Variants in PSMA2 observed in about 807,000 individuals in gnomAD.
The protein encoded by PSMA2 is proteasome 20S subunit alpha 2.
In PSMA2, 2 loss-of-function variants were observed where a neutral mutation model predicts 35.9. That is an observed-to-expected ratio of 0.06 (90% CI 0.02 to 0.18). The LOEUF (loss-of-function observed/expected upper bound fraction) is 0.18, where lower values mean the gene tolerates loss of function less well. Among genes scored for constraint, PSMA2 ranks in the 10% least tolerant of loss-of-function variants. The probability of loss-of-function intolerance (pLI) is 1.00; values close to 1 mark genes in which losing one functional copy is unlikely to be tolerated. For missense variants in PSMA2, 126 were observed against 278.8 expected (o/e 0.45, Z 3.90); for synonymous variants, 97 against 98.2 (o/e 0.99, Z 0.07).
rs777688862 is a variant in PSMA2, at chr7:42,926,687, G to A, written c.119-19C>T. 3.2e-6 allele frequency: 5 copies of A among 1,581,688 alleles called. No homozygotes were observed. The highest frequency in any genetic ancestry group is 4.3e-6 in the Non-Finnish European group (5 of 1,169,230). ...TTTGCAGCTTAAAAAAAAAGAGAGAGACATAAATGTTTAATCATTTTTAAG... is the reference window on the plus strand; with the variant it reads ...TTTGCAGCTTAAAAAAAAAGAGAGAAACATAAATGTTTAATCATTTTTAAG... On this transcript the variant is annotated intron_variant, in intron 2 of 7. Coordinates refer to ENST00000223321, the MANE Select transcript of PSMA2 (RefSeq NM_002787.5).
chr7:42,930,706 T>G (rs1786289755), intron 1 of PSMA2, among the ~76,000 whole-genome samples: 3 of 146,730 alleles, frequency 2.0e-5, no homozygotes, highest in Admixed American at 2.0e-4. Flanking sequence ...CCTCATGCCT[T>G]AAAAAAAAAA....
At chr7:42,930,220 CACA>C (rs1240996711) in intron 1 of PSMA2, among the ~76,000 whole-genome samples, 1 of 2,844 alleles carries the variant, frequency 3.5e-4, no homozygotes, top group Non-Finnish European at 1.3e-3. Context: ...CACACACACA[CACA>C]CGCACACACA....
intron 1 of PSMA2, chr7:42,931,174 T>C (rs1019736630): frequency 1.1e-4 from 48 of 453,996 alleles, no homozygotes; most frequent in African/African-American, 8.6e-4. Context: ...ACATTCATTA[T>C]AGCAGTGGAA....
chr7:42,924,798 C>A lies in PSMA2; in HGVS notation c.252-1G>T. The stretch of plus-strand genomic sequence containing the variant: ...TTTTCGAGCTCTGTGCACAAGCACT[C>A]TAACAAGGAAAAAATAAGATTTAAT... On this transcript the variant is annotated splice_acceptor_variant, in intron 3 of 7. Coordinates refer to ENST00000223321, the MANE Select transcript of PSMA2 (RefSeq NM_002787.5). LOFTEE classifies it high-confidence loss of function. 6.2e-7 allele frequency: 1 copy of A among 1,604,792 alleles called. No individual in the cohort carries two copies. Among genetic ancestry groups the A allele is most frequent in the Non-Finnish European group, 8.5e-7 (1 of 1,175,838 alleles).
At chr7:42,922,409 C>T (rs1786140388) in intron 5 of PSMA2, among the ~76,000 whole-genome samples, 1 of 151,988 alleles carries the variant, frequency 6.6e-6, no homozygotes, top group South Asian at 2.1e-4. Context: ...GAGAGCATCT[C>T]ATTAGAAAAA....
intron 1 of PSMA2, among the ~76,000 whole-genome samples, chr7:42,930,059 G>A (rs1368275395): frequency 6.6e-6 from 1 of 152,102 alleles, no homozygotes; most frequent in Admixed American, 6.6e-5. Context: ...CTCATTTATT[G>A]TCAATTCCTC....
chr7:42,930,225 GCA>G (rs60660330), intron 1 of PSMA2, among the ~76,000 whole-genome samples: 17,837 of 150,282 alleles, frequency 0.12, 1,139 homozygotes, highest in Admixed American at 0.16. Context: ...ACACACACAC[GCA>G]CACACACACA....
At chr7:42,929,554 C>T (rs2128674949) in intron 1 of PSMA2, among the ~76,000 whole-genome samples, 1 of 152,300 alleles carries the variant, frequency 6.6e-6, no homozygotes, top group South Asian at 2.1e-4. Flanking sequence ...ATGCCACTAT[C>T]CCATTCCATA....
Position 42,918,991 on chromosome 7 carries a change from T to C in PSMA2, c.531-1156A>G. On this transcript the variant is annotated intron_variant, in intron 6 of 7. Coordinates refer to ENST00000223321, the MANE Select transcript of PSMA2 (RefSeq NM_002787.5). ...GGCGCGCGCTATCACTCCTGGCTAA[T>C]TTTTGTATTTTTAGTAGAGACGGGG... 3 of 233,806 alleles carry C rather than the reference T, an allele frequency of 1.3e-5. No individual in the cohort carries two copies. The South Asian group carries it at 1.7e-4, about 14-fold the overall frequency. 14.5% of individuals were successfully genotyped at this position (233,806 alleles called of 1,614,324 possible).
intron 1 of PSMA2, among the ~76,000 whole-genome samples, chr7:42,931,343 A>G (rs1448513571): frequency 1.3e-5 from 2 of 151,874 alleles, no homozygotes; most frequent in Non-Finnish European, 2.9e-5. Flanking sequence ...TCAATTTTTA[A>G]AAGTCTTCGG....
At chr7:42,921,069 A>G (rs539497058) in intron 6 of PSMA2, 1 of 152,190 alleles carries the variant, frequency 6.6e-6, no homozygotes, top group Non-Finnish European at 1.5e-5. Context: ...CAGGAGGAAT[A>G]AGTTCTGGTG....
intron 4 of PSMA2, among the ~76,000 whole-genome samples, chr7:42,924,117 G>A (rs1163228322): frequency 6.6e-6 from 1 of 151,588 alleles, no homozygotes; most frequent in African/African-American, 2.4e-5. Context: ...GCCAAGACAG[G>A]CAGATCACTT....
At chr7:42,929,064 G>C (rs367929818) in intron 1 of PSMA2, among the ~76,000 whole-genome samples, 1 of 151,628 alleles carries the variant, frequency 6.6e-6, no homozygotes, top group African/African-American at 2.4e-5. Context: ...CTCCTGCCTC[G>C]GTCTCTTTAT....
intron 6 of PSMA2, chr7:42,918,209 T>C (rs1305747030): frequency 1.3e-5 from 2 of 156,922 alleles, no homozygotes; most frequent in Admixed American, 6.4e-5. Context: ...AATTTCTTTG[T>C]ATTTTTAGTA....
intron 1 of PSMA2, among the ~76,000 whole-genome samples, chr7:42,929,818 T>C (rs1295491116): frequency 6.6e-6 from 1 of 152,224 alleles, no homozygotes; most frequent in African/African-American, 2.4e-5. Flanking sequence ...CTTTAAGAGC[T>C]CAAGCTCCTT....
At chr7:42,927,253 C>T in intron 2 of PSMA2, 130 bp downstream of exon 2, 1 of 781,082 alleles carries the variant, frequency 1.3e-6, no homozygotes, top group South Asian at 1.9e-5. Flanking sequence ...AACTCCAAAA[C>T]ACTGTAAATT....
chr7:42,930,311 G>C (rs1420257508), intron 1 of PSMA2, among the ~76,000 whole-genome samples: 4 of 152,142 alleles, frequency 2.6e-5, no homozygotes, highest in Non-Finnish European at 5.9e-5. Context: ...CCAGGCTGGA[G>C]TGCAGTGGCA....
At chr7:42,928,207 T>C (rs575703226) in intron 1 of PSMA2, among the ~76,000 whole-genome samples, 2 of 152,268 alleles carry the variant, frequency 1.3e-5, no homozygotes, top group African/African-American at 4.8e-5. Flanking sequence ...CCTACAAGTG[T>C]CCTGTACCTA....
intron 3 of PSMA2, among the ~76,000 whole-genome samples, chr7:42,926,187 T>G (rs1388774838): frequency 6.6e-6 from 1 of 152,214 alleles, no homozygotes; most frequent in Non-Finnish European, 1.5e-5. Flanking sequence ...TTATTATAAC[T>G]TAAATTGCTT....
Sources: gnomAD v4.1 joint callset for allele counts (sites outside exome capture counted in the v4.1 genomes callset) on GRCh38, gnomAD v4.1.1 for gene constraint, MANE v1.5 for transcripts, NCBI Gene and HGNC (gene_info 2026-07-23, HGNC 2026-07-21) for gene names.